CD2: variants seen among roughly 807,000 people sequenced by gnomAD.
CD2 encodes CD2 molecule.
Under a neutral mutation model 23.2 loss-of-function variants are expected in CD2, and 18 were observed. The observed-to-expected ratio is 0.77, with a 90% CI of 0.54 to 1.15. The LOEUF (loss-of-function observed/expected upper bound fraction) is 1.15, where lower values mean the gene tolerates loss of function less well. Among genes scored for constraint, CD2 ranks in the 50% most tolerant of loss-of-function variants. The pLI is 0.00. For synonymous variants in CD2, 162 were observed against 151.9 expected, an observed-to-expected ratio of 1.07 and a Z score of -0.49; for missense variants, 424 against 423.1, an observed-to-expected ratio of 1.00 and a Z score of -0.02.
intron 3 of CD2, 122 bp from the exon 4 acceptor site, chr1:116,764,362 T>A: frequency 7.0e-7 from 1 of 1,436,272 alleles, no homozygotes; most frequent in Non-Finnish European, 9.2e-7. Flanking sequence ...CTGGGAGTTA[T>A]GGGGTGAAAG....
At chr1:116,766,782 C>T (rs1455323601) in intron 4 of CD2, among the ~76,000 whole-genome samples, 2 of 151,898 alleles carry the variant, frequency 1.3e-5, no homozygotes, top group African/African-American at 2.4e-5. Context: ...TGAATCATTT[C>T]AGCCCGGGAG....
At chr1:116,757,248 C>T (rs532045479) in intron 2 of CD2, among the ~76,000 whole-genome samples, 2 of 152,108 alleles carry the variant, frequency 1.3e-5, no homozygotes, top group Non-Finnish European at 1.5e-5. Context: ...CCGCCTGCAT[C>T]GGCCTCCCAA....
At position 116,768,755 on chromosome 1, in the gene CD2, A is replaced by G; in HGVS notation, c.1028A>G (p.Glu343Gly). Residue 343 changes from glutamate to glycine, a missense_variant, in exon 5 of 5, where the codon GAA becomes GGA. Transcript: ENST00000369478. ...CCAAAACCTCCCCATGGGGCAGCAG[A>G]AAACTCATTGTCCCCTTCCTCTAAT... ...VQPKPPHGAA[E>G]NSLSPSSN The G allele has an allele frequency of 6.2e-7, 1 of 1,613,298 alleles. No homozygotes were observed. Among genetic ancestry groups the G allele is most frequent in the Non-Finnish European group, 8.5e-7 (1 of 1,179,768 alleles).
At chr1:116,755,636 CA>C (rs1424094593) in intron 2 of CD2, among the ~76,000 whole-genome samples, 1 of 152,116 alleles carries the variant, frequency 6.6e-6, no homozygotes, top group Non-Finnish European at 1.5e-5. Context: ...CCAATTAAAT[CA>C]GATTTTTTTT....
Position 116,769,037 on chromosome 1 carries a change from C to T in CD2, c.*254C>T, listed in dbSNP as rs41302823. The stretch of plus-strand genomic sequence containing the variant: ...TGTGATTGCAAGAATGGTAGAGGAC[C>T]GAGCACAGAAATCTTAGAGATTTCT... On this transcript the variant is annotated 3_prime_UTR_variant, in exon 5 of 5. Transcript: ENST00000369478. 6.8e-4 allele frequency: 308 copies of T among 449,660 alleles called. 1 individual carries two copies. Among genetic ancestry groups the T allele is most frequent in the Non-Finnish European group, 1.1e-3 (284 of 253,948 alleles). 27.9% of individuals were successfully genotyped at this position (449,660 alleles called of 1,614,324 possible).
chr1:116,760,945 T>C (rs1652030435), intron 3 of CD2, among the ~76,000 whole-genome samples: 1 of 152,170 alleles, frequency 6.6e-6, no homozygotes. Flanking sequence ...CAAAGCCCCA[T>C]TTTCCAGAGA....
At chr1:116,757,272 C>T (rs1651885658) in intron 2 of CD2, among the ~76,000 whole-genome samples, 1 of 152,178 alleles carries the variant, frequency 6.6e-6, no homozygotes, top group Admixed American at 6.5e-5. Context: ...GCTGGGATTA[C>T]AGGTGTGAAC....
intron 3 of CD2, 95 bp downstream of exon 3, chr1:116,760,727 C>A: frequency 1.1e-6 from 1 of 923,416 alleles, no homozygotes; most frequent in South Asian, 1.5e-5. Context: ...TGCTGGGAGG[C>A]AGCCCTGGCT....
chr1:116,764,334 T>C, intron 3 of CD2, 150 bp from the exon 4 acceptor site: 3 of 1,273,314 alleles, frequency 2.4e-6, no homozygotes, highest in Non-Finnish European at 3.2e-6. Flanking sequence ...TTGACACCAC[T>C]CACCACCCTC....
At chr1:116,755,435 C>T (rs1238466601) in intron 2 of CD2, among the ~76,000 whole-genome samples, 1 of 152,186 alleles carries the variant, frequency 6.6e-6, no homozygotes, top group Non-Finnish European at 1.5e-5. Flanking sequence ...TAAGGATGAA[C>T]AGCCCTTATT....
At chr1:116,764,782 A>T in intron 4 of CD2, 176 bp downstream of exon 4, 1 of 603,330 alleles carries the variant, frequency 1.7e-6, no homozygotes, top group East Asian at 2.8e-5. Flanking sequence ...TGATTTTTGA[A>T]AAACAAATTC....
chr1:116,760,105 G>A lies in CD2; in HGVS notation c.383-297G>A, dbSNP rs568675886. On this transcript the variant is annotated intron_variant, in intron 2 of 4. Coordinates refer to ENST00000369478, the MANE Select transcript of CD2 (RefSeq NM_001767.5). ...TGGGAAGAAAAACATCAGCCTGTCT[G>A]TTAGGGTTAAGTGATGTCATATATG... 3.3e-5 allele frequency among the ~76,000 whole-genome samples: 5 copies of A among 152,320 alleles called. No homozygotes were observed. The East Asian group carries it at 5.8e-4, about 18-fold the overall frequency.
intron 2 of CD2, among the ~76,000 whole-genome samples, chr1:116,756,613 C>G (rs539825753): frequency 6.6e-6 from 1 of 152,016 alleles, no homozygotes; most frequent in Non-Finnish European, 1.5e-5. Flanking sequence ...AATTCATCTA[C>G]CATTCAATTT....
At chr1:116,756,751 G>C (rs1466798671) in intron 2 of CD2, among the ~76,000 whole-genome samples, 6 of 152,236 alleles carry the variant, frequency 3.9e-5, no homozygotes, top group African/African-American at 1.4e-4. Context: ...CTTTATGTGT[G>C]TGCACGTCAA....
intron 2 of CD2, among the ~76,000 whole-genome samples, chr1:116,756,933 A>G (rs1342709518): frequency 6.6e-6 from 1 of 151,974 alleles, no homozygotes; most frequent in East Asian, 1.9e-4. Flanking sequence ...CCTGGGGCAC[A>G]ATGCCTGTTT....
intron 2 of CD2, among the ~76,000 whole-genome samples, chr1:116,759,294 T>C (rs1300853353): frequency 6.6e-6 from 1 of 152,056 alleles, no homozygotes; most frequent in Non-Finnish European, 1.5e-5. Flanking sequence ...TGGTGTTCCA[T>C]GGGGAAAATA....
intron 2 of CD2, among the ~76,000 whole-genome samples, chr1:116,756,399 A>G (rs974620861): frequency 1.3e-5 from 2 of 152,118 alleles, no homozygotes; most frequent in Non-Finnish European, 2.9e-5. Flanking sequence ...GCTTGCTTAC[A>G]TGATCTTATT....
chr1:116,764,130 A>G lies in CD2; in HGVS notation c.614-354A>G, dbSNP rs1295083546. Among the ~76,000 whole-genome samples, 4 of 152,086 alleles carry G rather than the reference A, an allele frequency of 2.6e-5. No individual in the cohort carries two copies. The East Asian group carries it at 7.8e-4, about 29-fold the overall frequency. On this transcript the variant is annotated intron_variant, in intron 3 of 4. Transcript: ENST00000369478. ...AACTCATTCTCCCTCTCAGGGCCTC[A>G]TGTTTGAAGCTAGAGGTTGCATTTA...
chr1:116,766,743 G>A (rs1418389247), intron 4 of CD2, among the ~76,000 whole-genome samples: 1 of 151,964 alleles, frequency 6.6e-6, no homozygotes, highest in African/African-American at 2.4e-5. Context: ...TATGCCTGTA[G>A]TCCCAGCTAG....
Sources: allele counts gnomAD v4.1 joint callset (sites outside exome capture counted in the v4.1 genomes callset), GRCh38; gene constraint gnomAD v4.1.1; transcripts MANE v1.5; gene names NCBI Gene and HGNC (gene_info 2026-07-23, HGNC 2026-07-21).